PRDM10: variants seen among roughly 807,000 people sequenced by gnomAD.
PRDM10 encodes the protein PR/SET domain 10, also known as PR domain zinc finger protein 10.
A neutral mutation model predicts 133.1 loss-of-function variants in PRDM10; 65 were observed. The observed-to-expected ratio is 0.49, with a 90% CI of 0.40 to 0.60. The LOEUF is 0.60. PRDM10 is among the 20% of genes least tolerant of loss of function. PRDM10 has a pLI of 0.00. For synonymous variants in PRDM10, 582 were observed against 580.4 expected (o/e 1.00, Z -0.04); for missense variants, 1,137 against 1,507.1 (o/e 0.75, Z 4.07).
At chr11:129,960,823 A>G (rs927837143) in intron 2 of PRDM10, 73 bp downstream of exon 2, 2 of 1,490,524 alleles carry the variant, frequency 1.3e-6, no homozygotes, top group African/African-American at 2.8e-5. Flanking sequence ...TAGCAGCTGT[A>G]TTTCTTTGCT....
In PRDM10 at chr11:129,923,416, A is replaced by T. The variant is rs1318734399; in HGVS notation, c.1879-13T>A. 2.5e-6 allele frequency: 4 copies of T among 1,598,484 alleles called. No homozygotes were observed. The African/African-American group carries it at 4.0e-5, about 16-fold the overall frequency. On this transcript the variant is annotated splice_polypyrimidine_tract_variant and intron_variant, in intron 12 of 20. Coordinates refer to ENST00000360871, the MANE Select transcript of PRDM10 (RefSeq NM_199437.2). The surrounding 1 kb of genome is among the most constrained non-coding windows in gnomAD (Gnocchi z 4.4). ...CGTGTTTTTTCACCTGGTGATAAGA[A>T]CCACAGGAAAATTCAGGGGACGCAG...
rs374055940 is a variant in PRDM10 at position 129,918,531 on chromosome 11, G to A, written c.2214+8C>T. The A allele has an allele frequency of 6.2e-7, 1 of 1,612,746 alleles. No individual in the cohort carries two copies. The highest frequency in any genetic ancestry group is 8.5e-7 in the Non-Finnish European group (1 of 1,179,342). On this transcript the variant is annotated splice_region_variant and intron_variant, in intron 14 of 20. Coordinates refer to ENST00000360871, the MANE Select transcript of PRDM10 (RefSeq NM_199437.2). The surrounding 1 kb of genome is among the most constrained non-coding windows in gnomAD (Gnocchi z 5.3). ...AGACAGAGGAACCCGCAGCCACTGG[G>A]CACTGACCAGCATGCCGCGCCGCCG... is the stretch of plus-strand genomic sequence containing the variant.
chr11:129,953,428 G>T (rs577358639), intron 4 of PRDM10, among the ~76,000 whole-genome samples: 1 of 151,952 alleles, frequency 6.6e-6, no homozygotes, highest in African/African-American at 2.4e-5. Flanking sequence ...CGAGTAGCTG[G>T]GATTACAGGC....
At chr11:129,955,461 G>T in intron 4 of PRDM10, 51 bp downstream of exon 4, 1 of 1,556,004 alleles carries the variant, frequency 6.4e-7, no homozygotes, top group South Asian at 1.1e-5. Context: ...CATTCCAGGC[G>T]CAGTGGCATT....
At chr11:129,912,324 G>T in intron 17 of PRDM10, 99 bp from the exon 18 acceptor site, 1 of 1,281,780 alleles carries the variant, frequency 7.8e-7, no homozygotes. Context: ...CAATATCCTG[G>T]CCGGGTGCAG....
chr11:129,927,251 TTTCAC>T (rs950201488), intron 11 of PRDM10, among the ~76,000 whole-genome samples: 2 of 150,744 alleles, frequency 1.3e-5, no homozygotes, highest in Non-Finnish European at 3.0e-5. Flanking sequence ...CAGGGCTTGC[TTTCAC>T]TTCTGTGTAG....
Position 129,983,007 on chromosome 11 carries a change from C to T in PRDM10, c.-119+19715G>A, listed in dbSNP as rs1017759030. Among the ~76,000 whole-genome samples the T allele has an allele frequency of 2.0e-5, 3 of 151,918 alleles. No individual in the cohort carries two copies. In the East Asian group the frequency reaches 5.9e-4, roughly 30 times the overall value. On this transcript the variant is annotated intron_variant, in intron 1 of 20. Transcript: ENST00000360871. ...TTTTTTTTTCTTTGAGACAGTGTCTCATTCTGTCGTCCAGGCTGGAGTGCA... is the reference window on the plus strand; with the variant it reads ...TTTTTTTTTCTTTGAGACAGTGTCTTATTCTGTCGTCCAGGCTGGAGTGCA...
chr11:129,912,124 C>G lies in PRDM10; in HGVS notation c.2943G>C (p.Gln981His). 1 of 1,612,928 alleles carries G rather than the reference C, an allele frequency of 6.2e-7. No homozygotes were observed. The change falls in exon 18 of 21, where the codon CAG (glutamine) becomes CAC (histidine). Residue 981 changes from glutamine (Q) to histidine (H), a missense_variant. This residue lies in a region of PRDM10 where 243 missense variants were observed against 259.2 expected (regional missense o/e 0.94). Coordinates refer to ENST00000360871, the MANE Select transcript of PRDM10 (RefSeq NM_199437.2). ...PQHAIQVQHI[Q>H]VSEPTASAPS... Reference sequence around the variant, plus strand: ...GGGCCGAGGCGGTAGGCTCGCTGACCTGGATGTGCTGCACCTGGATGGCGT... The same window carrying G: ...GGGCCGAGGCGGTAGGCTCGCTGACGTGGATGTGCTGCACCTGGATGGCGT...
intron 13 of PRDM10, among the ~76,000 whole-genome samples, chr11:129,919,405 T>A (rs956039353): frequency 2.6e-5 from 4 of 152,178 alleles, no homozygotes; most frequent in African/African-American, 9.7e-5. Flanking sequence ...CCCACACCTT[T>A]CAGCAAACAT....
chr11:129,981,150 C>T (rs78731251), intron 1 of PRDM10, among the ~76,000 whole-genome samples: 3,534 of 152,044 alleles, frequency 0.023, 108 homozygotes, highest in African/African-American at 0.073. Context: ...GAATTACAGA[C>T]GTGAGCCACT....
chr11:129,952,081 A>ATT, intron 4 of PRDM10, among the ~76,000 whole-genome samples: 1 of 152,352 alleles, frequency 6.6e-6, no homozygotes, highest in South Asian at 2.1e-4. Context: ...TACAATGAAG[A>ATT]AAGATGCTAA....
At position 129,945,094 on chromosome 11, in the gene PRDM10, A is replaced by AT; in HGVS notation, c.521-83dup. The AT allele has an allele frequency of 1.9e-6, 3 of 1,547,198 alleles. No homozygotes were observed. Among genetic ancestry groups the AT allele is most frequent in the Non-Finnish European group, 2.6e-6 (3 of 1,143,810 alleles). On this transcript the variant is annotated intron_variant, in intron 5 of 20. Transcript: ENST00000360871. This position sits in a 1 kb window ranked among gnomAD's most constrained non-coding sequence, Gnocchi z 4.2. ...GAGGTAAAAAATTCTGACCCGAAAA[A>AT]TCCCCGTCTGCATTTTCAAGCCAAA... is the stretch of plus-strand genomic sequence containing the variant.
rs535599565 is a variant in PRDM10, at chr11:129,988,918, T to C, written c.-119+13804A>G. Among the ~76,000 whole-genome samples, 229 of 151,886 alleles carry C rather than the reference T, an allele frequency of 1.5e-3. 1 individual carries two copies. Among genetic ancestry groups the C allele is most frequent in the East Asian group, 5.6e-3 (29 of 5,134 alleles). On this transcript the variant is annotated intron_variant, in intron 1 of 20. Transcript: ENST00000360871. ...TGCTGGGATTACAGGCGTGAGCCAC[T>C]GCGCCCGGCCAAGTCAATGCAAACT...
intron 19 of PRDM10, 135 bp downstream of exon 19, chr11:129,910,341 T>C (rs1460431776): frequency 8.0e-6 from 10 of 1,247,892 alleles, no homozygotes; most frequent in African/African-American, 1.5e-5. Context: ...ATGAAACCCA[T>C]TGAAGTACAT....
chr11:129,905,978 T>C (rs532023111), intron 19 of PRDM10, among the ~76,000 whole-genome samples: 23 of 152,354 alleles, frequency 1.5e-4, no homozygotes, highest in African/African-American at 5.5e-4. Context: ...GGCTTCTCAA[T>C]ATCCACAAAG....
chr11:129,938,711 CAACT>C (rs1414922086), intron 7 of PRDM10, among the ~76,000 whole-genome samples: 1 of 152,154 alleles, frequency 6.6e-6, no homozygotes, highest in Non-Finnish European at 1.5e-5. Flanking sequence ...AAAATATGTA[CAACT>C]AACATGTATC....
intron 19 of PRDM10, 103 bp downstream of exon 19, chr11:129,910,373 G>A: frequency 6.7e-7 from 1 of 1,488,282 alleles, no homozygotes; most frequent in South Asian, 1.2e-5. Flanking sequence ...GTAAACAATG[G>A]CCAAGAGATA....
At chr11:129,992,659 T>C (rs551229435) in intron 1 of PRDM10, among the ~76,000 whole-genome samples, 6 of 152,274 alleles carry the variant, frequency 3.9e-5, no homozygotes, top group African/African-American at 1.2e-4. Context: ...ACTGAGCAAA[T>C]TACTCAACAG....
chr11:129,963,382 GAGAGA>G (rs200446357), intron 1 of PRDM10, among the ~76,000 whole-genome samples: 3,372 of 74,488 alleles, frequency 0.045, 102 homozygotes, highest in South Asian at 0.1. Flanking sequence ...AAAGAAAAAA[GAGAGA>G]AGAGAAGAGA....
Sources: allele counts gnomAD v4.1 joint callset (sites outside exome capture counted in the v4.1 genomes callset), GRCh38; gene constraint gnomAD v4.1.1; regional missense constraint gnomAD v4.1.1; non-coding constraint Gnocchi (gnomAD v3.1); transcripts MANE v1.5; gene names NCBI Gene and HGNC (gene_info 2026-07-23, HGNC 2026-07-21).